Variants in ITGB3BP observed in about 807,000 individuals in gnomAD.
ITGB3BP encodes the protein integrin subunit beta 3 binding protein.
In ITGB3BP, 27 loss-of-function variants were observed where a neutral mutation model predicts 29.1. That is an observed-to-expected ratio of 0.93 (90% CI 0.68 to 1.28). The LOEUF is 1.28. Ranked by LOEUF, ITGB3BP falls within the 50% of genes most tolerant of loss-of-function variation. The probability of loss-of-function intolerance (pLI) is 0.00; values close to 1 mark genes in which losing one functional copy is unlikely to be tolerated. For missense variants in ITGB3BP, 192 were observed against 200.2 expected (o/e 0.96, Z 0.25); for synonymous variants, 61 against 61.4 (o/e 0.99, Z 0.03).
chr1:63,464,780 G>A lies in ITGB3BP; in HGVS notation c.255-9812C>T, dbSNP rs151049366. Reference sequence around the variant, plus strand: ...ATAATAGGACAAAATATCTCTTGATGTAATTCAACATTCTTCTATATTTTT... The same window carrying A: ...ATAATAGGACAAAATATCTCTTGATATAATTCAACATTCTTCTATATTTTT... On this transcript the variant is annotated intron_variant, in intron 4 of 8. Transcript: ENST00000271002. Among the ~76,000 whole-genome samples the A allele has an allele frequency of 1.8e-3, 281 of 152,252 alleles. 1 individual carries two copies. The highest frequency in any genetic ancestry group is 6.6e-3 in the African/African-American group (274 of 41,550).
At chr1:63,495,160 A>T (rs909310788) in intron 2 of ITGB3BP, among the ~76,000 whole-genome samples, 1 of 152,142 alleles carries the variant, frequency 6.6e-6, no homozygotes, top group African/African-American at 2.4e-5. Context: ...TCTTGGAATA[A>T]ATTTTGTAAA....
rs1261375875 is a variant in ITGB3BP at position 63,522,858 on chromosome 1, T to C, written c.5+271A>G. ...GTGTGTCAACCTTATTTATGTTATTTCAAGTTAGACATCACCTAAATACAG... is the reference window on the plus strand; with the variant it reads ...GTGTGTCAACCTTATTTATGTTATTCCAAGTTAGACATCACCTAAATACAG... On this transcript the variant is annotated intron_variant, in intron 1 of 8. Coordinates refer to ENST00000271002, the MANE Select transcript of ITGB3BP (RefSeq NM_014288.5). The C allele has an allele frequency of 1.6e-5, 10 of 616,310 alleles. 1 individual carries two copies. Among genetic ancestry groups the C allele is most frequent in the Non-Finnish European group, 2.7e-5 (9 of 332,116 alleles). 38.2% of individuals were successfully genotyped at this position (616,310 alleles called of 1,614,324 possible).
chr1:63,500,967 A>C (rs1206005680), intron 2 of ITGB3BP, among the ~76,000 whole-genome samples: 2 of 152,210 alleles, frequency 1.3e-5, no homozygotes, highest in African/African-American at 4.8e-5. Context: ...ATATAGATAG[A>C]CAAATGGAAT....
At chr1:63,525,449 A>G (rs1014417442), upstream of ITGB3BP, 4 of 704,532 alleles carry the variant, frequency 5.7e-6, no homozygotes, top group Non-Finnish European at 8.7e-6. Flanking sequence ...CTTTTCATAT[A>G]TGTTATAAAT....
At chr1:63,462,628 C>T (rs1645035767) in intron 4 of ITGB3BP, among the ~76,000 whole-genome samples, 1 of 152,156 alleles carries the variant, frequency 6.6e-6, no homozygotes, top group South Asian at 2.1e-4. Flanking sequence ...GATTGGCTTT[C>T]CTCTTAGCCT....
chr1:63,473,605 T>G (rs1570189047), intron 4 of ITGB3BP, among the ~76,000 whole-genome samples: 2 of 118,640 alleles, frequency 1.7e-5, no homozygotes, highest in African/African-American at 3.2e-5. Flanking sequence ...AGCCGCCCCG[T>G]CCGGGAGGGA....
intron 7 of ITGB3BP, chr1:63,451,722 T>C (rs1644862656): frequency 6.6e-6 from 1 of 151,976 alleles, no homozygotes; most frequent in Admixed American, 6.6e-5. Context: ...CAAAATCAAA[T>C]TACAACAAAA....
chr1:63,524,100 A>G (rs1019903904), upstream of ITGB3BP, among the ~76,000 whole-genome samples: 1 of 152,168 alleles, frequency 6.6e-6, no homozygotes, highest in Admixed American at 6.5e-5. Flanking sequence ...GGAAAAGAAT[A>G]AAATTCTGGC....
intron 7 of ITGB3BP, among the ~76,000 whole-genome samples, chr1:63,452,412 G>C (rs556085936): frequency 6.6e-6 from 1 of 152,030 alleles, no homozygotes; most frequent in Non-Finnish European, 1.5e-5. Flanking sequence ...TAAACACTTT[G>C]CTTTCCTATT....
At chr1:63,515,349 T>C (rs1196711871) in intron 1 of ITGB3BP, among the ~76,000 whole-genome samples, 1 of 152,294 alleles carries the variant, frequency 6.6e-6, no homozygotes, top group Non-Finnish European at 1.5e-5. Flanking sequence ...TATTTCTCTA[T>C]ATGCCCAAAC....
In ITGB3BP at chr1:63,472,808, G is replaced by A. The variant is rs374847477; in HGVS notation, c.254+5956C>T. Among the ~76,000 whole-genome samples, 18 of 151,984 alleles carry A rather than the reference G, an allele frequency of 1.2e-4. No individual in the cohort carries two copies. The South Asian group carries it at 3.3e-3, about 28-fold the overall frequency. On this transcript the variant is annotated intron_variant, in intron 4 of 8. Transcript: ENST00000271002. Reference sequence around the variant, plus strand: ...GGTGCCCAGGCTGGAGTGCAGTGGCGTGATCTCGGCTCGCTACAACCTCCA... The same window carrying A: ...GGTGCCCAGGCTGGAGTGCAGTGGCATGATCTCGGCTCGCTACAACCTCCA...
At chr1:63,528,685 A>G (rs947249761) in intron 2 of ITGB3BP, among the ~76,000 whole-genome samples, 14 of 152,154 alleles carry the variant, frequency 9.2e-5, no homozygotes, top group African/African-American at 2.4e-4. Flanking sequence ...CCTACTATGT[A>G]TCTCCAAAAA....
chr1:63,441,158 T>C (rs1452460392), intron 8 of ITGB3BP, 55 bp from the exon 9 acceptor site: 3 of 152,278 alleles, frequency 2.0e-5, no homozygotes, highest in Non-Finnish European at 4.4e-5. Context: ...ATGCACGTCA[T>C]ACATGACTTA....
chr1:63,446,911 C>A, intron 7 of ITGB3BP, 55 bp from the exon 8 acceptor site: 1 of 1,263,468 alleles, frequency 7.9e-7, no homozygotes, highest in Non-Finnish European at 1.1e-6. Flanking sequence ...AGCAACTTGC[C>A]ACAGTATATG....
chr1:63,522,053 C>A (rs755627287), intron 1 of ITGB3BP, among the ~76,000 whole-genome samples: 3 of 152,196 alleles, frequency 2.0e-5, no homozygotes, highest in Non-Finnish European at 4.4e-5. Context: ...TAATCCATAA[C>A]TTTTAAGGGC....
intron 4 of ITGB3BP, among the ~76,000 whole-genome samples, chr1:63,456,053 G>A (rs1318820872): frequency 6.6e-6 from 1 of 152,032 alleles, no homozygotes; most frequent in African/African-American, 2.4e-5. Flanking sequence ...AGCCATGTAT[G>A]GCTAGTGCGT....
intron 8 of ITGB3BP, among the ~76,000 whole-genome samples, chr1:63,445,965 G>A (rs1163278928): frequency 2.6e-5 from 4 of 152,022 alleles, no homozygotes; most frequent in East Asian, 3.9e-4. Context: ...GTGCAGTGGC[G>A]TGATCTCAGC....
intron 1 of ITGB3BP, chr1:63,510,138 G>A (rs561845071): frequency 1.4e-5 from 9 of 628,582 alleles, no homozygotes; most frequent in African/African-American, 7.3e-5. Flanking sequence ...TGCAGTGAAC[G>A]GAAATCGTGC....
intron 2 of ITGB3BP, among the ~76,000 whole-genome samples, chr1:63,493,088 A>ACACACACGCGCGCG (rs372348238): frequency 6.0e-5 from 9 of 148,848 alleles, no homozygotes; most frequent in Admixed American, 2.0e-4. Flanking sequence ...ACACACACAC[A>ACACACACGCGCGCG]CGCGCGCGCG....
Sources: gnomAD v4.1 joint callset for allele counts (sites outside exome capture counted in the v4.1 genomes callset) on GRCh38, gnomAD v4.1.1 for gene constraint, MANE v1.5 for transcripts, NCBI Gene and HGNC (gene_info 2026-07-23, HGNC 2026-07-21) for gene names.